Variants in DMD observed in about 807,000 individuals in gnomAD.
The protein encoded by DMD is mutant dystrophin.
A neutral mutation model predicts 330.1 loss-of-function variants in DMD; 63 were observed. The ratio of observed to expected loss-of-function variants is 0.19; its 90% CI spans 0.16 to 0.24. DMD has a LOEUF of 0.24. Among genes scored for constraint, DMD ranks in the 10% least tolerant of loss-of-function variants. The probability of loss-of-function intolerance (pLI) is 1.00; values close to 1 mark genes in which losing one functional copy is unlikely to be tolerated. For missense variants in DMD, 3,344 were observed against 2,684.1 expected (o/e 1.25, Z -5.43); for synonymous variants, 1,223 against 959.8 (o/e 1.27, Z -5.07).
rs376492954 is a variant in DMD, at chrX:33,179,802, A to G, written c.31+31480T>C. On this transcript the variant is annotated intron_variant, in intron 1 of 78. Transcript: ENST00000357033. ...AGCCAATCAGCATACCAAAACTATT[A>G]CAATCTTAGAAATCCATTATGATTT... 3.5e-4 allele frequency among the ~76,000 whole-genome samples: 39 copies of G among 111,056 alleles called. 1 individual carries two copies. In the South Asian group the frequency reaches 5.4e-3, roughly 15 times the overall value.
At chrX:31,560,993 G>A (rs1044446154) in intron 55 of DMD, among the ~76,000 whole-genome samples, 15 of 111,315 alleles carry the variant, frequency 1.3e-4, no homozygotes, top group Non-Finnish European at 2.6e-4. Context: ...TGGGCTCAGC[G>A]CCCCTAACCC....
rs151251554 is a variant in DMD at position 32,699,383 on chromosome X, C to T, written c.650-90G>A. The T allele has an allele frequency of 1.6e-3, 1,192 of 730,493 alleles. 13 individuals carry two copies. The African/African-American group carries it at 0.022, about 13-fold the overall frequency. 60.2% of individuals were successfully genotyped at this position (730,493 alleles called of 1,213,427 possible). On this transcript the variant is annotated intron_variant, in intron 7 of 78. Transcript: ENST00000357033. ...TGAACAAATCAAAGTTAAAGGAAGA[C>T]GATAGATTAATGAACAGTGAATTGT...
At chrX:32,687,780 C>G (rs1012945749) in intron 9 of DMD, among the ~76,000 whole-genome samples, 9 of 110,439 alleles carry the variant, frequency 8.1e-5, no homozygotes, top group African/African-American at 3.0e-4. Flanking sequence ...TATAAGCTCC[C>G]AAGTTTTGAG....
At chrX:31,636,864 T>A (rs2079445348) in intron 54 of DMD, among the ~76,000 whole-genome samples, 1 of 111,733 alleles carries the variant, frequency 8.9e-6, no homozygotes, top group African/African-American at 3.2e-5. Context: ...AGGATTTGAT[T>A]TAGAAAGAAG....
intron 1 of DMD, among the ~76,000 whole-genome samples, chrX:33,306,480 T>C (rs2053763827): frequency 9.0e-6 from 1 of 111,066 alleles, no homozygotes; most frequent in African/African-American, 3.3e-5. Context: ...TAAATGGGCC[T>C]GGTATTTGCT....
intron 45 of DMD, among the ~76,000 whole-genome samples, chrX:31,949,833 C>G (rs1452399767): frequency 9.1e-6 from 1 of 109,862 alleles, no homozygotes; most frequent in Non-Finnish European, 1.9e-5. Flanking sequence ...TCTAGTCTTT[C>G]TAATTTCTGT....
chrX:32,702,109 T>C (rs58367477), intron 7 of DMD, among the ~76,000 whole-genome samples: 4,543 of 111,974 alleles, frequency 0.041, 245 homozygotes, highest in African/African-American at 0.14. Context: ...AGTATTTTAA[T>C]GGATTATCCA....
intron 29 of DMD, chrX:32,412,155 C>T (rs1396179023): frequency 8.8e-7 from 1 of 1,130,720 alleles, no homozygotes; most frequent in African/African-American, 1.8e-5. Flanking sequence ...ATCACAATAT[C>T]ACGTACATTA....
At chrX:33,226,891 A>G (rs1253106876) in intron 1 of DMD, among the ~76,000 whole-genome samples, 1 of 110,133 alleles carries the variant, frequency 9.1e-6, no homozygotes, top group Admixed American at 9.9e-5. Context: ...ACAAATAAAT[A>G]TAAGATAAAA....
chrX:31,908,629 A>G (rs1284960562), intron 47 of DMD, among the ~76,000 whole-genome samples: 3 of 104,199 alleles, frequency 2.9e-5, no homozygotes. Flanking sequence ...TGACGAGTTA[A>G]TGGGTGCAGC....
intron 60 of DMD, among the ~76,000 whole-genome samples, chrX:31,348,847 C>A (rs975084059): frequency 1.8e-5 from 2 of 111,882 alleles, no homozygotes; most frequent in African/African-American, 6.5e-5. Context: ...GATTTCCTCT[C>A]TCGACAATGT....
chrX:31,815,060 G>A (rs2092584263), intron 50 of DMD, among the ~76,000 whole-genome samples: 1 of 112,453 alleles, frequency 8.9e-6, no homozygotes, highest in Non-Finnish European at 1.9e-5. Flanking sequence ...GCACACAGCA[G>A]AAGGGATGAA....
At chrX:32,374,955 A>T (rs1439224434) in intron 34 of DMD, among the ~76,000 whole-genome samples, 4 of 111,925 alleles carry the variant, frequency 3.6e-5, no homozygotes, top group African/African-American at 1.3e-4. Flanking sequence ...AAAAAGGGAA[A>T]TAAGATCATT....
chrX:33,063,939 C>T (rs2094612131), intron 1 of DMD, among the ~76,000 whole-genome samples: 1 of 111,851 alleles, frequency 8.9e-6, no homozygotes, highest in African/African-American at 3.2e-5. Context: ...CTTAGAAAAT[C>T]AGATTTTACA....
Position 31,657,995 on chromosome X carries a change from A to G in DMD, c.8022T>C (p.His2674=), listed in dbSNP as rs955297645. 7 of 1,207,087 alleles carry G rather than the reference A, an allele frequency of 5.8e-6. No homozygotes were observed. In the African/African-American group the frequency reaches 1.1e-4, roughly 18 times the overall value. ...AGAAATAATGTAATTCATACCTTTT[A>G]TGAATGCTTCTCCAAGAGGCATTGA... is the stretch of plus-strand genomic sequence containing the variant. ...ENINASWRSI[H]KRVSEREAAL... is the part of the protein sequence containing the mutation. The change falls in exon 54 of 79, where the codon CAT becomes CAC. Residue 2674 remains histidine, a synonymous_variant. Coordinates refer to ENST00000357033, the MANE Select transcript of DMD (RefSeq NM_004006.3).
intron 9 of DMD, among the ~76,000 whole-genome samples, chrX:32,670,717 A>T (rs1200804819): frequency 3.6e-5 from 4 of 112,532 alleles, no homozygotes; most frequent in African/African-American, 1.3e-4. Flanking sequence ...GAGAAGATGT[A>T]ATTATTTGTA....
intron 1 of DMD, among the ~76,000 whole-genome samples, chrX:33,271,775 A>AC (rs1483881934): frequency 1.9e-5 from 2 of 106,324 alleles, no homozygotes; most frequent in Non-Finnish European, 3.9e-5. Context: ...CAAAAAAAAA[A>AC]CCAAAAAAAA....
At position 32,698,073 on chromosome X, in the gene DMD, C is replaced by T. The variant is rs1032005956; in HGVS notation, c.832-75G>A. 1.2e-5 allele frequency: 12 copies of T among 1,026,446 alleles called. No homozygotes were observed. In the South Asian group the frequency reaches 1.2e-4, roughly 11 times the overall value. 84.6% of individuals were successfully genotyped at this position (1,026,446 alleles called of 1,213,427 possible). A position where few individuals can be genotyped will look rare whatever the true frequency, so the allele number is the denominator to read the frequency against. ...TAAGTAACCCGAAAGGACTACTTTC[C>T]AACATGGTAGAAAACAGAACATTAA... On this transcript the variant is annotated intron_variant, in intron 8 of 78. Coordinates refer to ENST00000357033, the MANE Select transcript of DMD (RefSeq NM_004006.3).
chrX:32,504,042 C>A (rs2044357092), intron 18 of DMD, among the ~76,000 whole-genome samples: 1 of 111,241 alleles, frequency 9.0e-6, no homozygotes, highest in Admixed American at 9.5e-5. Flanking sequence ...TAAATATAAT[C>A]AATTGATTTT....
Sources: allele counts gnomAD v4.1 joint callset (sites outside exome capture counted in the v4.1 genomes callset), GRCh38; gene constraint gnomAD v4.1.1; transcripts MANE v1.5; gene names NCBI Gene and HGNC (gene_info 2026-07-23, HGNC 2026-07-21).